Variants in ATF7 observed in about 807,000 individuals in gnomAD.
ATF7 encodes the protein activating transcription factor 7.
In ATF7, 10 loss-of-function variants were observed where a neutral mutation model predicts 50.4. The ratio of observed to expected loss-of-function variants is 0.20; its 90% CI spans 0.12 to 0.34. The LOEUF is 0.34. Ranked by LOEUF, ATF7 falls within the 10% of genes least tolerant of loss-of-function variation. The pLI, the probability that ATF7 is intolerant of heterozygous loss-of-function variation, is 1.00. For synonymous variants in ATF7, 201 were observed against 226.4 expected, an observed-to-expected ratio of 0.89 and a Z score of 1.01; for missense variants, 465 against 613.9, an observed-to-expected ratio of 0.76 and a Z score of 2.56.
At chr12:53,518,167 T>C (rs2137311582) in intron 11 of ATF7, among the ~76,000 whole-genome samples, 1 of 152,360 alleles carries the variant, frequency 6.6e-6, no homozygotes, top group Admixed American at 6.5e-5. Flanking sequence ...GGCAGGCCTA[T>C]TCCATTATTT....
Position 53,524,545 on chromosome 12 carries a change from G to A in ATF7, c.1125+19C>T. On this transcript the variant is annotated intron_variant, in intron 10 of 11. Coordinates refer to ENST00000420353, the MANE Select transcript of ATF7 (RefSeq NM_006856.3). This position sits in a 1 kb window ranked among gnomAD's most constrained non-coding sequence, Gnocchi z 4.6. The stretch of plus-strand genomic sequence containing the variant: ...TCTGGATTTTCAACAATTCCAATAA[G>A]CATCCAGGACCCACTCACACTCAGC... 2 of 1,611,536 alleles carry A rather than the reference G, an allele frequency of 1.2e-6. No homozygotes were observed. Among genetic ancestry groups the A allele is most frequent in the South Asian group, 1.1e-5 (1 of 90,646 alleles).
At chr12:53,520,426 A>T (rs1038448784) in intron 11 of ATF7, among the ~76,000 whole-genome samples, 1 of 152,126 alleles carries the variant, frequency 6.6e-6, no homozygotes, top group Non-Finnish European at 1.5e-5. Flanking sequence ...TAACAAAAAA[A>T]AATTAGCTGG....
chr12:53,552,645 G>C lies in ATF7; in HGVS notation c.49-8C>G, dbSNP rs201452971. The C allele has an allele frequency of 1.2e-5, 19 of 1,607,708 alleles. No individual in the cohort carries two copies. The highest frequency in any genetic ancestry group is 1.6e-5 in the Non-Finnish European group (19 of 1,174,288). On this transcript the variant is annotated splice_region_variant and splice_polypyrimidine_tract_variant and intron_variant, in intron 2 of 11. Transcript: ENST00000420353. The stretch of plus-strand genomic sequence containing the variant: ...GTCCTCGTTTGTAAATCTCTGAAAC[G>C]AAACAGAAATGGAGATATGAAAAAA...
chr12:53,524,723 T>C lies in ATF7; in HGVS notation c.966A>G (p.Arg322=), dbSNP rs761393674. 6.2e-7 allele frequency: 1 copy of C among 1,612,082 alleles called. No homozygotes were observed. Among genetic ancestry groups the C allele is most frequent in the Non-Finnish European group, 8.5e-7 (1 of 1,179,392 alleles). Residue 322 remains arginine, a synonymous_variant, in exon 10 of 12, where the codon CGA becomes CGG. Coordinates refer to ENST00000420353, the MANE Select transcript of ATF7 (RefSeq NM_006856.3). The surrounding 1 kb of genome is among the most constrained non-coding windows in gnomAD (Gnocchi z 4.6). ...GATCTTCATCTACTGTGCGCCGCCG[T>C]CGCCCCCCAGTACTAGGGGTGGGCT... ...PAQPTPSTGG[R]RRRTVDEDPD...
chr12:53,520,573 G>A (rs1046379169), intron 11 of ATF7, among the ~76,000 whole-genome samples: 3 of 152,002 alleles, frequency 2.0e-5, no homozygotes, highest in African/African-American at 4.8e-5. Context: ...ATATGCTGCC[G>A]ACTCCCAGAG....
At chr12:53,535,148 C>A (rs1234040835) in intron 5 of ATF7, among the ~76,000 whole-genome samples, 6 of 151,990 alleles carry the variant, frequency 3.9e-5, no homozygotes, top group Non-Finnish European at 2.9e-5. Context: ...AAACAAACTG[C>A]TCTCATTGTT....
intron 2 of ATF7, among the ~76,000 whole-genome samples, chr12:53,565,419 T>A (rs1415737509): frequency 7.3e-6 from 1 of 137,566 alleles, no homozygotes; most frequent in Admixed American, 8.6e-5. Flanking sequence ...ATGTGATTCC[T>A]AAACACCATA....
intron 1 of ATF7, among the ~76,000 whole-genome samples, chr12:53,617,441 A>G (rs1944187574): frequency 1.3e-5 from 2 of 152,198 alleles, no homozygotes; most frequent in African/African-American, 4.8e-5. Context: ...CAGCCTGGCC[A>G]ACATGGTTGA....
chr12:53,575,195 G>A (rs1461575686), intron 2 of ATF7, among the ~76,000 whole-genome samples: 1 of 151,888 alleles, frequency 6.6e-6, no homozygotes, highest in African/African-American at 2.4e-5. Flanking sequence ...ATCACCTGAG[G>A]TTGAGAGTTC....
At chr12:53,520,705 T>G (rs140418044) in intron 11 of ATF7, among the ~76,000 whole-genome samples, 2 of 152,162 alleles carry the variant, frequency 1.3e-5, no homozygotes, top group East Asian at 3.9e-4. Flanking sequence ...GTTCCTGATA[T>G]ACCTCCCAAA....
At chr12:53,590,598 G>A (rs1016878136) in intron 2 of ATF7, among the ~76,000 whole-genome samples, 1 of 152,176 alleles carries the variant, frequency 6.6e-6, no homozygotes, top group Non-Finnish European at 1.5e-5. Flanking sequence ...CACTAGGCAA[G>A]CTAATTCCTA....
chr12:53,619,499 A>AG (rs1944287837), intron 1 of ATF7, among the ~76,000 whole-genome samples: 1 of 150,848 alleles, frequency 6.6e-6, no homozygotes, highest in Middle Eastern at 3.4e-3. Flanking sequence ...AAAAAAAAAA[A>AG]AAAAGAAAAA....
At chr12:53,590,078 G>A (rs984756535) in intron 2 of ATF7, among the ~76,000 whole-genome samples, 1 of 152,180 alleles carries the variant, frequency 6.6e-6, no homozygotes, top group Middle Eastern at 3.4e-3. Flanking sequence ...AGCTGAGATA[G>A]CCCAAAATAA....
chr12:53,527,720 AG>A (rs1938559155), intron 9 of ATF7, among the ~76,000 whole-genome samples: 1 of 151,874 alleles, frequency 6.6e-6, no homozygotes, highest in Admixed American at 6.6e-5. Flanking sequence ...GGTTGCAGTG[AG>A]CCAAGATCAC....
At chr12:53,568,556 C>T (rs746327191) in intron 2 of ATF7, among the ~76,000 whole-genome samples, 1 of 152,162 alleles carries the variant, frequency 6.6e-6, no homozygotes, top group Non-Finnish European at 1.5e-5. Flanking sequence ...AAATAGGCAA[C>T]GATAAAGGCT....
chr12:53,617,049 G>A (rs1038427859), intron 1 of ATF7, among the ~76,000 whole-genome samples: 4 of 152,154 alleles, frequency 2.6e-5, no homozygotes, highest in African/African-American at 9.7e-5. Flanking sequence ...TTGAGACAGG[G>A]TATCACTTTG....
At chr12:53,584,312 C>G (rs191687395) in intron 2 of ATF7, among the ~76,000 whole-genome samples, 1 of 152,126 alleles carries the variant, frequency 6.6e-6, no homozygotes, top group Non-Finnish European at 1.5e-5. Context: ...ATTAAAACAA[C>G]AAAATCCATT....
intron 2 of ATF7, among the ~76,000 whole-genome samples, chr12:53,562,611 G>A (rs965704417): frequency 5.9e-5 from 9 of 151,956 alleles, no homozygotes; most frequent in Non-Finnish European, 1.3e-4. Context: ...CTCCAGCCTG[G>A]GGGACAAGAG....
intron 2 of ATF7, among the ~76,000 whole-genome samples, chr12:53,587,834 TATATATATA>T (rs1291425307): frequency 1.1e-4 from 5 of 47,318 alleles, no homozygotes; most frequent in African/African-American, 2.1e-4. Context: ...TATATATATA[TATATATATA>T]TTTTTTTTTT....
Sources: allele counts gnomAD v4.1 joint callset (sites outside exome capture counted in the v4.1 genomes callset), GRCh38; gene constraint gnomAD v4.1.1; non-coding constraint Gnocchi (gnomAD v3.1); transcripts MANE v1.5; gene names NCBI Gene and HGNC (gene_info 2026-07-23, HGNC 2026-07-21).